Variants in WWOX observed in about 807,000 individuals in gnomAD.
WWOX encodes WW domain containing oxidoreductase, also known as WW domain-containing oxidoreductase.
A neutral mutation model predicts 46.2 loss-of-function variants in WWOX; 69 were observed. That is an observed-to-expected ratio of 1.49 (90% CI 1.23 to 1.82). The LOEUF is 1.82. Among genes scored for constraint, WWOX ranks in the 40% most tolerant of loss-of-function variants. The pLI, the probability that WWOX is intolerant of heterozygous loss-of-function variation, is 0.00. For synonymous variants in WWOX, 359 were observed against 202.6 expected, an observed-to-expected ratio of 1.77 and a Z score of -6.56; for missense variants, 919 against 542.6, an observed-to-expected ratio of 1.69 and a Z score of -6.89.
intron 8 of WWOX, among the ~76,000 whole-genome samples, chr16:78,643,706 C>G (rs969585770): frequency 3.2e-4 from 49 of 152,034 alleles, no homozygotes; most frequent in African/African-American, 9.9e-4. Flanking sequence ...ATACGGGTTC[C>G]TTACCTTCTA....
intron 8 of WWOX, among the ~76,000 whole-genome samples, chr16:78,807,443 C>T (rs142373048): frequency 3.7e-4 from 56 of 152,328 alleles, no homozygotes; most frequent in Admixed American, 2.4e-3. Flanking sequence ...GTCCATTAAT[C>T]GCTGAATCAT....
At chr16:78,401,238 C>G (rs1320991073) in intron 6 of WWOX, among the ~76,000 whole-genome samples, 1 of 151,614 alleles carries the variant, frequency 6.6e-6, no homozygotes, top group East Asian at 1.9e-4. Flanking sequence ...CCACTTTTTT[C>G]TACATTTTCC....
chr16:78,826,519 C>T (rs1006850278), intron 8 of WWOX, among the ~76,000 whole-genome samples: 2 of 152,194 alleles, frequency 1.3e-5, no homozygotes, highest in Non-Finnish European at 2.9e-5. Context: ...CCAATCCCTG[C>T]CTCTGCAGCC....
In WWOX at chr16:78,385,029, G is replaced by A. The variant is rs556672622; in HGVS notation, c.517-1831G>A. Among the ~76,000 whole-genome samples the A allele has an allele frequency of 3.3e-3, 506 of 152,232 alleles. 8 individuals are homozygous for A. In the East Asian group the frequency reaches 0.037, roughly 11 times the overall value. On this transcript the variant is annotated intron_variant, in intron 5 of 8. Coordinates refer to ENST00000566780, the MANE Select transcript of WWOX (RefSeq NM_016373.4). ...CGCACCTGTAGTCCCAGCTAGTCGG[G>A]AGGCTGAGGCAGGAGAATCGCTTGA...
intron 1 of WWOX, among the ~76,000 whole-genome samples, chr16:78,101,365 A>ATTTTTTTTTTG (rs2031773575): frequency 9.9e-5 from 1 of 10,062 alleles, no homozygotes; most frequent in Non-Finnish European, 3.1e-4. Context: ...TTTTTTTTTA[A>ATTTTTTTTTTG]AGACAGGGTC....
intron 8 of WWOX, among the ~76,000 whole-genome samples, chr16:78,576,507 G>C (rs2044884109): frequency 6.6e-6 from 1 of 152,178 alleles, no homozygotes; most frequent in South Asian, 2.1e-4. Flanking sequence ...CTTAAGTGGT[G>C]AAGCTGCACA....
intron 1 of WWOX, among the ~76,000 whole-genome samples, chr16:78,103,961 G>A (rs1354609832): frequency 6.6e-6 from 1 of 152,054 alleles, no homozygotes; most frequent in African/African-American, 2.4e-5. Flanking sequence ...GCTCCCAGGG[G>A]TGAGGTCGAG....
At chr16:78,345,824 T>C (rs1415738937) in intron 5 of WWOX, among the ~76,000 whole-genome samples, 1 of 118,786 alleles carries the variant, frequency 8.4e-6, no homozygotes, top group African/African-American at 2.9e-5. Context: ...CATTGACACA[T>C]GCCTTTTGCT....
chr16:78,147,351 G>T (rs1234200061), intron 4 of WWOX, among the ~76,000 whole-genome samples: 1 of 152,112 alleles, frequency 6.6e-6, no homozygotes, highest in East Asian at 1.9e-4. Context: ...TTGATTTTAG[G>T]CAAGGTGATG....
At chr16:78,462,202 T>G (rs16947590) in intron 8 of WWOX, among the ~76,000 whole-genome samples, 7,677 of 152,198 alleles carry the variant, frequency 0.05, 677 homozygotes, top group African/African-American at 0.17. Context: ...ATTCAGAATC[T>G]CAGCGATGAT....
intron 4 of WWOX, among the ~76,000 whole-genome samples, chr16:78,159,672 G>GTTTT (rs35468343): frequency 4.5e-4 from 25 of 55,368 alleles, no homozygotes; most frequent in East Asian, 8.6e-4. Flanking sequence ...AAAATCTGTG[G>GTTTT]TTTTTTTTTT....
intron 8 of WWOX, among the ~76,000 whole-genome samples, chr16:78,809,324 A>G (rs1009236865): frequency 6.6e-5 from 10 of 151,830 alleles, no homozygotes; most frequent in African/African-American, 1.4e-4. Flanking sequence ...AAAAAAAAAA[A>G]AAAAAGAAAA....
At chr16:78,144,573 G>A (rs1478125948) in intron 4 of WWOX, among the ~76,000 whole-genome samples, 2 of 137,316 alleles carry the variant, frequency 1.5e-5, no homozygotes, top group Non-Finnish European at 3.1e-5. Context: ...CCAGGCTGGA[G>A]TACAGTGGCG....
intron 8 of WWOX, among the ~76,000 whole-genome samples, chr16:78,848,082 C>G (rs1233236145): frequency 2.0e-5 from 3 of 152,168 alleles, no homozygotes; most frequent in Non-Finnish European, 4.4e-5. Context: ...CACCTGACCC[C>G]AGACACACCA....
rs1056777987 is a variant in WWOX at position 79,176,326 on chromosome 16, G to C, written c.1057-35282G>C. Among the ~76,000 whole-genome samples the C allele has an allele frequency of 5.8e-4, 89 of 152,322 alleles. 1 individual carries two copies. The highest frequency in any genetic ancestry group is 5.8e-4 in the East Asian group (3 of 5,186). On this transcript the variant is annotated intron_variant, in intron 8 of 8. Transcript: ENST00000566780. ...TTCTCCCTGCTGATATCTGCATCCA[G>C]TCATCTGGTATTTCTTACCAGCCTT...
In WWOX at chr16:78,775,971, A is replaced by C. The variant is rs144000995; in HGVS notation, c.1056+343219A>C. On this transcript the variant is annotated intron_variant, in intron 8 of 8. Coordinates refer to ENST00000566780, the MANE Select transcript of WWOX (RefSeq NM_016373.4). ...TAAACGTAAGACCCTGTGATGACTG[A>C]CACTTACTAGGTTTCTCATTTATTT... Among the ~76,000 whole-genome samples the C allele has an allele frequency of 5.9e-5, 9 of 152,324 alleles. No individual in the cohort carries two copies. In the East Asian group the frequency reaches 1.7e-3, roughly 29 times the overall value.
At chr16:79,144,357 T>G (rs1329121933) in intron 8 of WWOX, among the ~76,000 whole-genome samples, 1 of 152,194 alleles carries the variant, frequency 6.6e-6, no homozygotes, top group Non-Finnish European at 1.5e-5. Context: ...GAAGGCCAGC[T>G]TTTTGGGGGA....
intron 8 of WWOX, among the ~76,000 whole-genome samples, chr16:78,980,560 C>T (rs541803440): frequency 1.2e-4 from 19 of 152,204 alleles, no homozygotes; most frequent in African/African-American, 3.4e-4. Flanking sequence ...TTGTCTTTTA[C>T]GAAGCGTTTT....
rs576342724 is a variant in WWOX, at chr16:78,619,775, G to GGT, written c.1056+187025_1056+187026dup. Among the ~76,000 whole-genome samples the GGT allele has an allele frequency of 2.6e-5, 4 of 151,982 alleles. No homozygotes were observed. In the South Asian group the frequency reaches 8.3e-4, roughly 32 times the overall value. ...AAGCAACAAAAAAATGAGACATGGG[G>GGT]GTGCATGTCTGTGGTCCCAGCTACT... On this transcript the variant is annotated intron_variant, in intron 8 of 8. Coordinates refer to ENST00000566780, the MANE Select transcript of WWOX (RefSeq NM_016373.4).
Sources: allele counts gnomAD v4.1 joint callset (sites outside exome capture counted in the v4.1 genomes callset), GRCh38; gene constraint gnomAD v4.1.1; transcripts MANE v1.5; gene names NCBI Gene and HGNC (gene_info 2026-07-23, HGNC 2026-07-21).